The following CARNS1 variants were observed in gnomAD, a reference collection of about 807,000 sequenced individuals.
CARNS1 encodes the protein carnosine synthase 1.
A neutral mutation model predicts 74.0 loss-of-function variants in CARNS1; 61 were observed. That is an observed-to-expected ratio of 0.82 (90% confidence interval 0.67 to 1.02). CARNS1 has a LOEUF of 1.02. CARNS1 is among the 50% of genes least tolerant of loss of function. The probability of loss-of-function intolerance (pLI) is 0.00; values close to 1 mark genes in which losing one functional copy is unlikely to be tolerated. For synonymous variants in CARNS1, 568 were observed against 605.5 expected (o/e 0.94, Z 0.91); for missense variants, 1,278 against 1,308.4 (o/e 0.98, Z 0.36).
rs1315276512 is a variant in CARNS1 at position 67,419,766 on chromosome 11, C to T, written c.1041C>T (p.Pro347=). 3.1e-6 allele frequency: 5 copies of T among 1,603,946 alleles called. No individual in the cohort carries two copies. The highest frequency in any genetic ancestry group is 2.7e-5 in the African/African-American group (2 of 74,618). The change falls in exon 7 of 10, where the codon CCC becomes CCT. Residue 347 remains proline (P), a synonymous_variant. Transcript: ENST00000687366. ...AQLPCSDGPS[P]GPGLAVRICA... is the part of the protein sequence containing the mutation. ...GTCTTCCCCCAGATGGTCCTTCACC[C>T]GGCCCCGGCCTGGCCGTGCGAATCT...
rs1471845489 is a variant in CARNS1, at chr11:67,423,937, G to A, written c.2189G>A (p.Gly730Asp). ...ATGCTGCTGATGGAGTTTGTGGAGGGCACCGAGCACGACGTGGACCTGGTG... is the reference window on the plus strand; with the variant it reads ...ATGCTGCTGATGGAGTTTGTGGAGGACACCGAGCACGACGTGGACCTGGTG... The part of the protein sequence containing the change: ...NAMLLMEFVE[G>D]TEHDVDLVLF... The change falls in exon 10 of 10, where the codon GGC becomes GAC. Residue 730 changes from glycine (G) to aspartate (D), a missense_variant. Around this residue, in one of 3 missense-constraint regions of CARNS1, gnomAD observed 1,164 missense variants for 1,156.5 expected, o/e 1.01. Transcript: ENST00000687366. This position sits in a 1 kb window ranked among gnomAD's most constrained non-coding sequence, Gnocchi z 5.1. The A allele has an allele frequency of 1.2e-6, 2 of 1,613,606 alleles. No individual in the cohort carries two copies. Among genetic ancestry groups the A allele is most frequent in the Non-Finnish European group, 8.5e-7 (1 of 1,179,824 alleles).
rs1239735600 is a variant in CARNS1 at position 67,423,115 on chromosome 11, C to T, written c.1627-260C>T. On this transcript the variant is annotated intron_variant, in intron 9 of 9. Coordinates refer to ENST00000687366, the MANE Select transcript of CARNS1 (RefSeq NM_001166222.2). This position sits in a 1 kb window ranked among gnomAD's most constrained non-coding sequence, Gnocchi z 5.1. ...ACCCAGAACATGCCTTTTCCTCCTG[C>T]AGCCACCTGGCTGACTCATATTCTT... is the stretch of plus-strand genomic sequence containing the variant. Among the ~76,000 whole-genome samples, 3 of 152,230 alleles carry T rather than the reference C, an allele frequency of 2.0e-5. No individual in the cohort carries two copies. Among genetic ancestry groups the T allele is most frequent in the Admixed American group, 2.0e-4 (3 of 15,284 alleles).
intron 7 of CARNS1, among the ~76,000 whole-genome samples, chr11:67,420,084 G>T (rs1863656335): frequency 6.6e-6 from 1 of 151,694 alleles, no homozygotes; most frequent in Admixed American, 6.5e-5. Flanking sequence ...TAGTACCAGG[G>T]CCCAGGGGGC....
At position 67,420,970 on chromosome 11, in the gene CARNS1, C is replaced by A; in HGVS notation, c.1377C>A (p.Gly459=). Residue 459 remains glycine, a synonymous_variant, in exon 9 of 10, where the codon GGC becomes GGA. Coordinates refer to ENST00000687366, the MANE Select transcript of CARNS1 (RefSeq NM_001166222.2). ...GVDFALTAAG[G]VLTPVALELN... is the part of the protein sequence containing the mutation. ...ATTTCGCGCTGACAGCGGCCGGCGGCGTGCTGACCCCAGTGGCCCTGGAGC... is the reference window on the plus strand; with the variant it reads ...ATTTCGCGCTGACAGCGGCCGGCGGAGTGCTGACCCCAGTGGCCCTGGAGC... The A allele has an allele frequency of 7.0e-7, 1 of 1,425,454 alleles. No individual in the cohort carries two copies. The highest frequency in any genetic ancestry group is 1.4e-5 in the South Asian group (1 of 73,212). 88.3% of individuals were successfully genotyped at this position (1,425,454 alleles called of 1,614,324 possible). A position where few individuals can be genotyped will look rare whatever the true frequency, so the allele number is the denominator to read the frequency against.
In CARNS1 at chr11:67,424,628, G is replaced by A. The variant is rs1426824521; in HGVS notation, c.*27G>A. On this transcript the variant is annotated 3_prime_UTR_variant, in exon 10 of 10. Coordinates refer to ENST00000687366, the MANE Select transcript of CARNS1 (RefSeq NM_001166222.2). ...ACTGGGGTCAGGGGGCAGGGAAGCA[G>A]TGCTGGGTGGAGGCACTGTGGTGCC... is the stretch of plus-strand genomic sequence containing the variant. The A allele has an allele frequency of 6.3e-7, 1 of 1,577,818 alleles. No homozygotes were observed. The highest frequency in any genetic ancestry group is 8.6e-7 in the Non-Finnish European group (1 of 1,162,478).
At chr11:67,418,103 A>G (rs1863594124) in intron 3 of CARNS1, among the ~76,000 whole-genome samples, 1 of 152,194 alleles carries the variant, frequency 6.6e-6, no homozygotes, top group Non-Finnish European at 1.5e-5. Flanking sequence ...AGAATCACAG[A>G]CTTGGTCCCA....
Position 67,423,713 on chromosome 11 carries a change from G to A in CARNS1, c.1965G>A (p.Leu655=), listed in dbSNP as rs1412533866. 1 of 1,580,360 alleles carries A rather than the reference G, an allele frequency of 6.3e-7. No homozygotes were observed. Among genetic ancestry groups the A allele is most frequent in the Non-Finnish European group, 8.6e-7 (1 of 1,168,000 alleles). The part of the protein sequence containing the change: ...PSLHAVPCCP[L]ESEADVERAV... ...TCCATGCTGTGCCCTGCTGCCCACTGGAGAGTGAGGCTGATGTGGAGAGGG... is the reference window on the plus strand; with the variant it reads ...TCCATGCTGTGCCCTGCTGCCCACTAGAGAGTGAGGCTGATGTGGAGAGGG... The change falls in exon 10 of 10, where the codon CTG becomes CTA. Residue 655 remains leucine (L), a synonymous_variant. Coordinates refer to ENST00000687366, the MANE Select transcript of CARNS1 (RefSeq NM_001166222.2). This position sits in a 1 kb window ranked among gnomAD's most constrained non-coding sequence, Gnocchi z 5.1.
intron 1 of CARNS1, 118 bp downstream of exon 1, chr11:67,415,881 C>A (rs1219890622): frequency 8.1e-6 from 2 of 246,944 alleles, no homozygotes; most frequent in African/African-American, 2.3e-5. Flanking sequence ...CGACGCTACG[C>A]CCCCCACCCC....
At chr11:67,419,943 C>T in intron 7 of CARNS1, 105 bp downstream of exon 7, 2 of 1,178,920 alleles carry the variant, frequency 1.7e-6, no homozygotes, top group Non-Finnish European at 2.4e-6. Context: ...GCAGAGAGGA[C>T]AAAATCCTTA....
chr11:67,424,466 G>T lies in CARNS1; in HGVS notation c.2718G>T (p.Glu906Asp). The part of the protein sequence containing the change: ...LEEALVPGEY[E>D]EPYCSVACAG... ...AGGCCCTGGTGCCTGGCGAGTATGA[G>T]GAGCCCTACTGCAGTGTGGCCTGTG... The change falls in exon 10 of 10, where the codon GAG (glutamate) becomes GAT (aspartate). Residue 906 changes from glutamate (E) to aspartate (D), a missense_variant. Coordinates refer to ENST00000687366, the MANE Select transcript of CARNS1 (RefSeq NM_001166222.2). 6.3e-7 allele frequency: 1 copy of T among 1,589,038 alleles called. No individual in the cohort carries two copies. Among genetic ancestry groups the T allele is most frequent in the African/African-American group, 1.3e-5 (1 of 74,534 alleles).
intron 6 of CARNS1, 32 bp downstream of exon 6, chr11:67,419,693 A>T: frequency 6.3e-7 from 1 of 1,588,096 alleles, no homozygotes; most frequent in Non-Finnish European, 8.6e-7. Context: ...CAGGGATGGG[A>T]GTTTGGTGTG....
At chr11:67,419,363 C>T (rs778083434) in intron 5 of CARNS1, 120 bp downstream of exon 5, 2 of 1,485,216 alleles carry the variant, frequency 1.3e-6, no homozygotes, top group Non-Finnish European at 1.8e-6. Flanking sequence ...CTGCCCTGCC[C>T]CATCTCTGGG....
In CARNS1 at chr11:67,424,443, G is replaced by A. The variant is rs1863785247; in HGVS notation, c.2695G>A (p.Ala899Thr). 6.3e-7 allele frequency: 1 copy of A among 1,589,048 alleles called. No individual in the cohort carries two copies. Among genetic ancestry groups the A allele is most frequent in the Non-Finnish European group, 8.6e-7 (1 of 1,168,828 alleles). Residue 899 changes from alanine to threonine, a missense_variant, in exon 10 of 10, where the codon GCC becomes ACC. Coordinates refer to ENST00000687366, the MANE Select transcript of CARNS1 (RefSeq NM_001166222.2). ...GCTACGCCTCAATCTGCTGGAGGAGGCCCTGGTGCCTGGCGAGTATGAGGA... is the reference window on the plus strand; with the variant it reads ...GCTACGCCTCAATCTGCTGGAGGAGACCCTGGTGCCTGGCGAGTATGAGGA... The part of the protein sequence containing the change: ...GLLRLNLLEE[A>T]LVPGEYEEPY...
rs1863751105 is a variant in CARNS1 at position 67,423,360 on chromosome 11, C to T, written c.1627-15C>T. The T allele has an allele frequency of 1.3e-6, 2 of 1,588,850 alleles. No homozygotes were observed. The highest frequency in any genetic ancestry group is 2.2e-5 in the East Asian group (1 of 44,654). On this transcript the variant is annotated splice_polypyrimidine_tract_variant and intron_variant, in intron 9 of 9. Transcript: ENST00000687366. This position sits in a 1 kb window ranked among gnomAD's most constrained non-coding sequence, Gnocchi z 5.1. ...CTAGCTGACCTGGATATGCCCCACC[C>T]TGTGGCTTCTGCAGCTGCACCTCGT...
In CARNS1 at chr11:67,421,167, G is replaced by A; in HGVS notation, c.1574G>A (p.Gly525Asp). ...EGKQLLVVGAGGVSKKFVWEA... is the reference protein window; with the variant it reads ...EGKQLLVVGADGVSKKFVWEA... ...AAACAGCTGCTGGTGGTCGGCGCTG[G>A]CGGCGTCAGCAAGAAGTTCGTGTGG... Residue 525 changes from glycine (G) to aspartate (D), a missense_variant, in exon 9 of 10, where the codon GGC (glycine) becomes GAC (aspartate). By Grantham distance (94) the Gly-to-Asp change is moderately conservative (BLOSUM62 -1). Transcript: ENST00000687366. 1.3e-6 allele frequency: 2 copies of A among 1,496,782 alleles called. No homozygotes were observed. Among genetic ancestry groups the A allele is most frequent in the Non-Finnish European group, 1.8e-6 (2 of 1,129,166 alleles). 92.7% of individuals were successfully genotyped at this position (1,496,782 alleles called of 1,614,324 possible). A position where few individuals can be genotyped will look rare whatever the true frequency, so the allele number is the denominator to read the frequency against.
chr11:67,417,038 G>C (rs1863561305), intron 2 of CARNS1: 1 of 1,029,438 alleles, frequency 9.7e-7, no homozygotes, highest in African/African-American at 1.7e-5. Context: ...CTGAGAAGTG[G>C]CTGTGTGCCA....
chr11:67,425,134 C>T lies in CARNS1; in HGVS notation c.*533C>T, dbSNP rs1230718365. The T allele has an allele frequency of 3.1e-5, 14 of 454,162 alleles. No homozygotes were observed. Among genetic ancestry groups the T allele is most frequent in the East Asian group, 7.0e-5 (1 of 14,388 alleles). 28.1% of individuals were successfully genotyped at this position (454,162 alleles called of 1,614,324 possible). The stretch of plus-strand genomic sequence containing the variant: ...TCCAACCTGCCTCATTCGGCCTGAC[C>T]GGTAGAGGCAGGTGGCCTGTGGACA... On this transcript the variant is annotated 3_prime_UTR_variant, in exon 10 of 10. Coordinates refer to ENST00000687366, the MANE Select transcript of CARNS1 (RefSeq NM_001166222.2).
In CARNS1 at chr11:67,416,146, G is replaced by A. The variant is rs1245381924; in HGVS notation, c.-24-30G>A. The stretch of plus-strand genomic sequence containing the variant: ...GGGACTTGGCTGCCCTGACTCCTTC[G>A]TCTCTCTGTCCCTCTGTCTCTGCCA... On this transcript the variant is annotated intron_variant, in intron 1 of 9. Transcript: ENST00000687366. 1.0e-5 allele frequency: 14 copies of A among 1,376,670 alleles called. No individual in the cohort carries two copies. The East Asian group carries it at 2.0e-4, about 20-fold the overall frequency. 85.3% of individuals were successfully genotyped at this position (1,376,670 alleles called of 1,614,324 possible). A position where few individuals can be genotyped will look rare whatever the true frequency, so the allele number is the denominator to read the frequency against.
At chr11:67,420,901 G>A in intron 8 of CARNS1, 38 bp from the exon 9 acceptor site, 3 of 1,343,734 alleles carry the variant, frequency 2.2e-6, no homozygotes, top group Admixed American at 3.9e-5. Context: ...GAGGGCGGTG[G>A]CTGCCGTAGC....
Sources: gnomAD v4.1 joint callset for allele counts (sites outside exome capture counted in the v4.1 genomes callset) on GRCh38, gnomAD v4.1.1 for gene constraint, gnomAD v4.1.1 regional missense constraint, Gnocchi (gnomAD v3.1) non-coding constraint, MANE v1.5 for transcripts, NCBI Gene and HGNC (gene_info 2026-07-23, HGNC 2026-07-21) for gene names.